Variants in DPP6 observed in about 807,000 individuals in gnomAD.
DPP6 encodes the protein dipeptidyl peptidase like 6.
In DPP6, 69 loss-of-function variants were observed where a neutral mutation model predicts 122.6. The observed-to-expected ratio is 0.56, with a 90% CI of 0.46 to 0.69. The LOEUF is 0.69. Among genes scored for constraint, DPP6 ranks in the 30% least tolerant of loss-of-function variants. The pLI, the probability that DPP6 is intolerant of heterozygous loss-of-function variation, is 0.00. For missense variants in DPP6, 928 were observed against 1,116.9 expected, an observed-to-expected ratio of 0.83 and a Z score of 2.41; for synonymous variants, 418 against 433.1, an observed-to-expected ratio of 0.97 and a Z score of 0.43.
intron 10 of DPP6, among the ~76,000 whole-genome samples, chr7:154,776,780 C>T (rs956034725): frequency 6.6e-6 from 1 of 152,168 alleles, no homozygotes; most frequent in African/African-American, 2.4e-5. Flanking sequence ...CTTGTCCTCT[C>T]AAGCACAAGA....
chr7:153,766,050 TAAG>T, the DPP6 span, among the ~76,000 whole-genome samples: 1 of 152,256 alleles, frequency 6.6e-6, no homozygotes, highest in African/African-American at 2.4e-5. Flanking sequence ...TTTTGAGTGG[TAAG>T]GCTCCACTGC....
At chr7:154,264,855 T>C (rs1294712248) in intron 1 of DPP6, among the ~76,000 whole-genome samples, 1 of 151,900 alleles carries the variant, frequency 6.6e-6, no homozygotes, top group Non-Finnish European at 1.5e-5. Context: ...ATGATGATAG[T>C]GATAATGATG....
intron 1 of DPP6, among the ~76,000 whole-genome samples, chr7:153,888,691 G>A (rs1277191002): frequency 2.1e-5 from 3 of 140,142 alleles, no homozygotes; most frequent in African/African-American, 7.9e-5. Flanking sequence ...CTTATTTTAA[G>A]TTGCTGGCTG....
chr7:154,487,814 A>G (rs1432003117), intron 3 of DPP6, among the ~76,000 whole-genome samples: 2 of 152,138 alleles, frequency 1.3e-5, no homozygotes, highest in Non-Finnish European at 2.9e-5. Context: ...CATCTTTTCA[A>G]ACATCGATCA....
At chr7:154,016,048 A>G (rs1798394992) in intron 1 of DPP6, among the ~76,000 whole-genome samples, 1 of 152,082 alleles carries the variant, frequency 6.6e-6, no homozygotes, top group South Asian at 2.1e-4. Flanking sequence ...AATATATCAC[A>G]TTCCTTCTGC....
intron 1 of DPP6, among the ~76,000 whole-genome samples, chr7:154,035,897 C>T (rs1367506839): frequency 3.9e-5 from 6 of 151,978 alleles, no homozygotes; most frequent in Middle Eastern, 3.4e-3. Context: ...CCTTGGCAAA[C>T]GTAAAGTACT....
At chr7:154,117,581 T>C (rs1020307198) in intron 1 of DPP6, among the ~76,000 whole-genome samples, 3 of 152,214 alleles carry the variant, frequency 2.0e-5, no homozygotes, top group Non-Finnish European at 4.4e-5. Flanking sequence ...GCTTTATCCC[T>C]TTTTCATTGT....
rs1275067491 is a variant in DPP6, at chr7:153,928,396, A to ATGTTTT, written c.51+40663_51+40664insGTTTTT. Among the ~76,000 whole-genome samples, 30 of 43,700 alleles carry ATGTTTT rather than the reference A, an allele frequency of 6.9e-4. 1 individual carries two copies. The highest frequency in any genetic ancestry group is 2.2e-3 in the African/African-American group (28 of 12,648). 28.7% of individuals were successfully genotyped at this position (43,700 alleles called of 152,430 possible). On this transcript the variant is annotated intron_variant, in intron 1 of 25. Coordinates refer to the DPP6 transcript ENST00000404039. Reference sequence around the variant, plus strand: ...CTGGCTAATTTTTTTCTTTTCTTTCATTTTTTTTTTTTTTTTTTTTTTTTT... The same window carrying ATGTTTT: ...CTGGCTAATTTTTTTCTTTTCTTTCATGTTTTTTTTTTTTTTTTTTTTTTTTTTTTT...
chr7:153,950,851 A>C (rs1331360633), intron 1 of DPP6, among the ~76,000 whole-genome samples: 2 of 152,202 alleles, frequency 1.3e-5, no homozygotes, highest in Admixed American at 6.5e-5. Context: ...TAGGTCTGGA[A>C]CATAGAGGTC....
At chr7:153,817,366 A>G in the DPP6 span, among the ~76,000 whole-genome samples, 5,359 of 113,260 alleles carry the variant, frequency 0.047, 356 homozygotes, top group East Asian at 0.19. Context: ...TTTTCTCAGT[A>G]TACACATATA....
chr7:154,595,969 G>A (rs996953297), intron 5 of DPP6, among the ~76,000 whole-genome samples: 3 of 152,200 alleles, frequency 2.0e-5, no homozygotes, highest in African/African-American at 7.2e-5. Flanking sequence ...GCTGAGGCAG[G>A]AGAATCGCTT....
chr7:154,742,619 TATG>T (rs1842865146), intron 8 of DPP6, among the ~76,000 whole-genome samples: 1 of 152,236 alleles, frequency 6.6e-6, no homozygotes, highest in Non-Finnish European at 1.5e-5. Context: ...CATTTCCTGA[TATG>T]GAGGAGACGC....
intron 1 of DPP6, among the ~76,000 whole-genome samples, chr7:154,140,644 G>A (rs927626524): frequency 6.6e-6 from 1 of 152,120 alleles, no homozygotes; most frequent in African/African-American, 2.4e-5. Flanking sequence ...AGTACAAGGA[G>A]GATTCAGCTT....
intron 6 of DPP6, among the ~76,000 whole-genome samples, chr7:154,668,456 G>A (rs550467421): frequency 5.5e-4 from 84 of 151,388 alleles, no homozygotes; most frequent in Non-Finnish European, 9.9e-4. Context: ...TCCTGACCTC[G>A]TGATCGACCG....
chr7:154,420,944 G>C (rs1196245330), intron 1 of DPP6, among the ~76,000 whole-genome samples: 1 of 152,072 alleles, frequency 6.6e-6, no homozygotes, highest in Non-Finnish European at 1.5e-5. Context: ...TCTGTTAAGA[G>C]AGATGATCTT....
intron 3 of DPP6, among the ~76,000 whole-genome samples, chr7:154,515,522 C>G (rs1446294824): frequency 6.6e-6 from 1 of 152,008 alleles, no homozygotes; most frequent in African/African-American, 2.4e-5. Flanking sequence ...GTCTCCCAGG[C>G]TGGAGTGCAG....
intron 1 of DPP6, among the ~76,000 whole-genome samples, chr7:154,061,619 G>T (rs11768992): frequency 0.018 from 2,304 of 129,294 alleles, 148 homozygotes; most frequent in Non-Finnish European, 0.025. Flanking sequence ...CCCATCACAG[G>T]GGGGGGAGGC....
At chr7:154,001,658 C>T (rs1331411833) in intron 1 of DPP6, among the ~76,000 whole-genome samples, 3 of 152,106 alleles carry the variant, frequency 2.0e-5, no homozygotes, top group African/African-American at 7.2e-5. Flanking sequence ...CCTCCAAGGC[C>T]TTTACCTCTT....
intron 1 of DPP6, among the ~76,000 whole-genome samples, chr7:154,225,842 C>T (rs923038507): frequency 6.6e-6 from 1 of 152,144 alleles, no homozygotes; most frequent in South Asian, 2.1e-4. Context: ...TCTACCAATA[C>T]ACTAGTGCCC....
Sources: allele counts gnomAD v4.1 joint callset (sites outside exome capture counted in the v4.1 genomes callset), GRCh38; gene constraint gnomAD v4.1.1; transcripts MANE v1.5; gene names NCBI Gene and HGNC (gene_info 2026-07-23, HGNC 2026-07-21).